Variants in PRDM4 observed in about 807,000 individuals in gnomAD.
The protein encoded by PRDM4 is PR domain zinc finger protein 4.
In PRDM4, 38 loss-of-function variants were observed where a neutral mutation model predicts 62.3. The ratio of observed to expected loss-of-function variants is 0.61; its 90% confidence interval spans 0.47 to 0.80. The LOEUF is 0.80. Among genes scored for constraint, PRDM4 ranks in the 30% least tolerant of loss-of-function variants. PRDM4 has a pLI of 0.00. For missense variants in PRDM4, 858 were observed against 997.1 expected, an observed-to-expected ratio of 0.86 and a Z score of 1.88; for synonymous variants, 339 against 348.2, an observed-to-expected ratio of 0.97 and a Z score of 0.30.
At chr12:107,752,763 T>C (rs938849048) in intron 4 of PRDM4, among the ~76,000 whole-genome samples, 1 of 152,162 alleles carries the variant, frequency 6.6e-6, no homozygotes, top group Non-Finnish European at 1.5e-5. Context: ...GTGAAGCATA[T>C]ATATTAGGAG....
Position 107,735,760 on chromosome 12 carries a change from C to CTTT in PRDM4, c.2094-1241_2094-1239dup, listed in dbSNP as rs200366774. Reference sequence around the variant, plus strand: ...ATCACACAGACCAGGAATTTTTTAGCTTTTTTTTTTTTTTTGAGTAGCTGA... The same window carrying CTTT: ...ATCACACAGACCAGGAATTTTTTAGCTTTTTTTTTTTTTTTTTTGAGTAGCTGA... On this transcript the variant is annotated intron_variant, in intron 11 of 11. Coordinates refer to ENST00000228437, the MANE Select transcript of PRDM4 (RefSeq NM_012406.4). Among the ~76,000 whole-genome samples the CTTT allele has an allele frequency of 6.1e-4, 88 of 143,486 alleles. 1 individual carries two copies. Among genetic ancestry groups the CTTT allele is most frequent in the African/African-American group, 1.9e-3 (73 of 39,058 alleles). 94.1% of individuals were successfully genotyped at this position (143,486 alleles called of 152,430 possible). A position where few individuals can be genotyped will look rare whatever the true frequency, so the allele number is the denominator to read the frequency against.
rs781049851 is a variant in PRDM4, at chr12:107,751,696, T to G, written c.845A>C (p.Asp282Ala). The G allele has an allele frequency of 8.1e-6, 13 of 1,614,132 alleles. No individual in the cohort carries two copies. The highest frequency in any genetic ancestry group is 1.0e-5 in the Non-Finnish European group (12 of 1,180,014). ...HIASRVNGMS[D>A]SALSDSIHTV... ...GTGAATGGAGTCACTGAGGGCACTG[T>G]CAGACATGCCATTGACCCGACTTGC... The change falls in exon 5 of 12, where the codon GAC becomes GCC. Residue 282 changes from aspartate (D) to alanine (A), a missense_variant. Physicochemically the swap from Asp to Ala is moderately radical, Grantham distance 126 (BLOSUM62 -2). Around this residue, in one of 3 missense-constraint regions of PRDM4, gnomAD observed 499 missense variants for 546.7 expected, o/e 0.91. Coordinates refer to ENST00000228437, the MANE Select transcript of PRDM4 (RefSeq NM_012406.4).
At chr12:107,744,040 G>C (rs186717544) in intron 7 of PRDM4, among the ~76,000 whole-genome samples, 4 of 152,160 alleles carry the variant, frequency 2.6e-5, no homozygotes, top group African/African-American at 7.2e-5. Flanking sequence ...CCTGAGCCCA[G>C]GAGGTAGAGG....
Position 107,739,396 on chromosome 12 carries a change from G to A in PRDM4, c.2080C>T (p.Leu694Phe). 4 of 1,613,318 alleles carry A rather than the reference G, an allele frequency of 2.5e-6. No individual in the cohort carries two copies. The highest frequency in any genetic ancestry group is 3.4e-6 in the Non-Finnish European group (4 of 1,179,678). The change falls in exon 11 of 12, where the codon CTC becomes TTC. Residue 694 changes from leucine (L) to phenylalanine (F), a missense_variant. Leu to Phe is a conservative substitution (Grantham distance 22). Coordinates refer to ENST00000228437, the MANE Select transcript of PRDM4 (RefSeq NM_012406.4). Reference protein sequence around the residue: ...MRRQDLKQHVLIHTQERQIKC... With the variant: ...MRRQDLKQHVFIHTQERQIKC... ...AGGGTAACTTACTGAGTGTGGATGA[G>A]CACGTGCTGCTTGAGGTCCTGCCTC... is the stretch of plus-strand genomic sequence containing the variant.
intron 4 of PRDM4, 44 bp downstream of exon 4, chr12:107,753,880 C>T (rs1177242120): frequency 2.6e-6 from 4 of 1,539,522 alleles, no homozygotes; most frequent in East Asian, 2.3e-5. Context: ...TAAAAGCTGG[C>T]GCCGTTCTTT....
At chr12:107,737,676 C>A (rs1355965302) in intron 11 of PRDM4, among the ~76,000 whole-genome samples, 1 of 152,194 alleles carries the variant, frequency 6.6e-6, no homozygotes, top group African/African-American at 2.4e-5. Context: ...TAGTCCTTAA[C>A]CCTGGCTGGC....
intron 2 of PRDM4, among the ~76,000 whole-genome samples, chr12:107,758,744 G>C (rs1891138643): frequency 6.6e-6 from 1 of 152,096 alleles, no homozygotes; most frequent in African/African-American, 2.4e-5. Context: ...GCATTATTAG[G>C]TTTCACCCTT....
chr12:107,760,604 A>T lies in PRDM4; in HGVS notation c.-89T>A. 1 of 1,528,158 alleles carries T rather than the reference A, an allele frequency of 6.5e-7. No individual in the cohort carries two copies. The highest frequency in any genetic ancestry group is 8.9e-7 in the Non-Finnish European group (1 of 1,119,314). The allele number at this position is 1,528,158 out of a possible 1,614,324, so 94.7% of individuals were successfully genotyped here. A position where few individuals can be genotyped will look rare whatever the true frequency, so the allele number is the denominator to read the frequency against. On this transcript the variant is annotated 5_prime_UTR_variant, in exon 2 of 12. An upstream start codon of the reference 5' UTR is lost. Transcript: ENST00000228437. ...GCGTTCCAGGGTCACGTGCTACCAC[A>T]TCTTGCTCACAACCGCTGCACCGAC...
intron 2 of PRDM4, among the ~76,000 whole-genome samples, chr12:107,760,294 T>A (rs1333747674): frequency 6.6e-6 from 1 of 152,200 alleles, no homozygotes; most frequent in Non-Finnish European, 1.5e-5. Flanking sequence ...ACAATAAACG[T>A]GTGGCTACTG....
intron 8 of PRDM4, chr12:107,742,620 A>G (rs1364101901): frequency 4.8e-6 from 2 of 412,750 alleles, no homozygotes; most frequent in African/African-American, 4.1e-5. Context: ...TGAAGTCTTT[A>G]AAAAACAGTA....
intron 11 of PRDM4, among the ~76,000 whole-genome samples, chr12:107,735,328 T>C (rs182877048): frequency 1.3e-3 from 197 of 152,318 alleles, no homozygotes; most frequent in Non-Finnish European, 1.6e-3. Context: ...ACATCCATCA[T>C]TGACGGTTCT....
chr12:107,742,291 G>A lies in PRDM4; in HGVS notation c.1539C>T (p.Cys513=), dbSNP rs1349335800. ...TTTCAGGAGGGATATCTTGTGAGGT[G>A]CAGAAAAAGATTTTTCCATCATGAG... ...AYPHDGKIFF[C]TSQDIPPENE... is the part of the protein sequence containing the mutation. The change falls in exon 9 of 12, where the codon TGC becomes TGT. Residue 513 remains cysteine (C), a synonymous_variant. Coordinates refer to ENST00000228437, the MANE Select transcript of PRDM4 (RefSeq NM_012406.4). The A allele has an allele frequency of 6.2e-7, 1 of 1,613,156 alleles. No individual in the cohort carries two copies. Among genetic ancestry groups the A allele is most frequent in the African/African-American group, 1.3e-5 (1 of 74,908 alleles).
At chr12:107,747,383 ACAC>A (rs1186884085) in intron 5 of PRDM4, among the ~76,000 whole-genome samples, 1 of 151,936 alleles carries the variant, frequency 6.6e-6, no homozygotes, top group Non-Finnish European at 1.5e-5. Flanking sequence ...AGAGCCAGCT[ACAC>A]CACTGTACTC....
chr12:107,740,947 T>C lies in PRDM4; in HGVS notation c.1923A>G (p.Thr641=). 1.9e-6 allele frequency: 3 copies of C among 1,612,080 alleles called. No homozygotes were observed. The highest frequency in any genetic ancestry group is 2.5e-6 in the Non-Finnish European group (3 of 1,178,622). The stretch of plus-strand genomic sequence containing the variant: ...TTCTGATGGGCCAACACAACTTACC[T>C]GTATGTATCTTGAGGTGGGTCCGCA... ...SNLRTHLKIH[T]GQKNYRCTLC... The change falls in exon 10 of 12, where the codon ACA becomes ACG. Residue 641 remains threonine, a splice_region_variant and synonymous_variant. Coordinates refer to ENST00000228437, the MANE Select transcript of PRDM4 (RefSeq NM_012406.4).
At chr12:107,756,293 T>C (rs1891064724) in intron 3 of PRDM4, among the ~76,000 whole-genome samples, 1 of 152,256 alleles carries the variant, frequency 6.6e-6, no homozygotes, top group Admixed American at 6.5e-5. Context: ...GAATTTTTCC[T>C]ATACGATTTT....
intron 8 of PRDM4, chr12:107,742,644 G>A (rs960939715): frequency 3.0e-6 from 1 of 333,062 alleles, no homozygotes; most frequent in Non-Finnish European, 5.5e-6. Context: ...CAAAGACATA[G>A]AGCTAGCTAG....
In PRDM4 at chr12:107,754,030, A is replaced by ACC. The variant is rs1351308194; in HGVS notation, c.223_224dup (p.Ile76ValfsTer7). ...CACACATCACCCCTCGATCCCCAATACCCATTGGTAGCATTAAAGACAGAG... is the reference window on the plus strand; with the variant it reads ...CACACATCACCCCTCGATCCCCAATACCCCCATTGGTAGCATTAAAGACAGAG... On this transcript the variant is annotated frameshift_variant, in exon 4 of 12. Coordinates refer to ENST00000228437, the MANE Select transcript of PRDM4 (RefSeq NM_012406.4). LOFTEE classifies it high-confidence loss of function. The ACC allele has an allele frequency of 6.2e-7, 1 of 1,613,336 alleles. No individual in the cohort carries two copies. The highest frequency in any genetic ancestry group is 1.7e-5 in the Admixed American group (1 of 60,002).
chr12:107,745,262 AT>A (rs1431300876), intron 6 of PRDM4, among the ~76,000 whole-genome samples: 1 of 152,228 alleles, frequency 6.6e-6, no homozygotes, highest in East Asian at 1.9e-4. Context: ...CTCCAAATAC[AT>A]TATTTTGGAG....
At chr12:107,738,902 CA>C (rs1890424878) in intron 11 of PRDM4, among the ~76,000 whole-genome samples, 1 of 151,238 alleles carries the variant, frequency 6.6e-6, no homozygotes, top group Non-Finnish European at 1.5e-5. Flanking sequence ...CACACACACA[CA>C]CACACACACA....
Sources: allele counts gnomAD v4.1 joint callset (sites outside exome capture counted in the v4.1 genomes callset), GRCh38; gene constraint gnomAD v4.1.1; regional missense constraint gnomAD v4.1.1; transcripts MANE v1.5; gene names NCBI Gene and HGNC (gene_info 2026-07-23, HGNC 2026-07-21).